The following MBD5 variants were observed in gnomAD, a reference collection of about 807,000 sequenced individuals.
MBD5 encodes the protein methyl-CpG-binding domain protein 5.
A neutral mutation model predicts 117.3 loss-of-function variants in MBD5; 13 were observed. The ratio of observed to expected loss-of-function variants is 0.11; its 90% confidence interval spans 0.07 to 0.18. MBD5 has a LOEUF of 0.18. MBD5 is among the 10% of genes least tolerant of loss of function. The pLI is 1.00. For missense variants in MBD5, 1,879 were observed against 2,093.8 expected (o/e 0.90, Z 2.00); for synonymous variants, 727 against 766.4 (o/e 0.95, Z 0.85).
intron 8 of MBD5, among the ~76,000 whole-genome samples, chr2:148,476,017 T>C (rs1029342983): frequency 1.3e-5 from 2 of 152,146 alleles, no homozygotes; most frequent in African/African-American, 4.8e-5. Context: ...AGATTAAAAG[T>C]GGAGCTAGAC....
intron 1 of MBD5, among the ~76,000 whole-genome samples, chr2:148,141,782 AC>A (rs1195396592): frequency 8.6e-6 from 1 of 115,660 alleles, no homozygotes; most frequent in East Asian, 2.6e-4. Context: ...ACAGAGCAAG[AC>A]CCCGTCTCAA....
chr2:148,459,520 A>C (rs1442377312), intron 5 of MBD5, among the ~76,000 whole-genome samples: 1 of 152,190 alleles, frequency 6.6e-6, no homozygotes, highest in Non-Finnish European at 1.5e-5. Flanking sequence ...TACTCATTAA[A>C]TAGTTGACAT....
intron 2 of MBD5, among the ~76,000 whole-genome samples, chr2:148,204,226 A>G (rs1699218207): frequency 6.6e-6 from 1 of 152,188 alleles, no homozygotes. Flanking sequence ...ATTTATTTCA[A>G]ATATGAAATT....
At chr2:148,345,344 T>TACATATACACATATACACATAC (rs1703066775) in intron 4 of MBD5, among the ~76,000 whole-genome samples, 1 of 149,364 alleles carries the variant, frequency 6.7e-6, no homozygotes, top group African/African-American at 2.4e-5. Context: ...TATACACATA[T>TACATATACACATATACACATAC]ACATATACAC....
rs368396975 is a variant in MBD5 at position 148,254,277 on chromosome 2, C to T, written c.-680+20882C>T. Among the ~76,000 whole-genome samples the T allele has an allele frequency of 1.4e-4, 22 of 152,268 alleles. No individual in the cohort carries two copies. The East Asian group carries it at 4.3e-3, about 29-fold the overall frequency. On this transcript the variant is annotated intron_variant, in intron 3 of 13. Transcript: ENST00000642680. ...GGGATAAAGGTAAAACATTGTGTTC[C>T]TAAAAGGGCACAGGTGCCTCCTTAG... is the stretch of plus-strand genomic sequence containing the variant.
chr2:148,337,905 A>G (rs1702839939), intron 3 of MBD5, among the ~76,000 whole-genome samples: 1 of 152,152 alleles, frequency 6.6e-6, no homozygotes, highest in Admixed American at 6.5e-5. Flanking sequence ...TTTCCCTTCA[A>G]TTAGAAGGGA....
At chr2:148,199,253 A>G (rs1699073887) in intron 2 of MBD5, among the ~76,000 whole-genome samples, 1 of 152,172 alleles carries the variant, frequency 6.6e-6, no homozygotes, top group Non-Finnish European at 1.5e-5. Flanking sequence ...ACCTAAAGTC[A>G]GCTGATTGTA....
At chr2:148,277,154 A>G (rs1175699766) in intron 3 of MBD5, among the ~76,000 whole-genome samples, 1 of 152,176 alleles carries the variant, frequency 6.6e-6, no homozygotes, top group Admixed American at 6.5e-5. Context: ...AATAATAATT[A>G]TTAAGGTAAG....
At chr2:148,403,008 A>G (rs1176011440) in intron 4 of MBD5, among the ~76,000 whole-genome samples, 1 of 151,738 alleles carries the variant, frequency 6.6e-6, no homozygotes, top group Non-Finnish European at 1.5e-5. Context: ...CTTCAAGTTC[A>G]CTAATCTTTT....
intron 3 of MBD5, among the ~76,000 whole-genome samples, chr2:148,316,663 T>G (rs1479627504): frequency 6.6e-6 from 1 of 152,198 alleles, no homozygotes; most frequent in African/African-American, 2.4e-5. Context: ...ACTTGGTTCA[T>G]AGTTGATATC....
chr2:148,427,257 A>G (rs1705826580), intron 4 of MBD5, among the ~76,000 whole-genome samples: 1 of 152,304 alleles, frequency 6.6e-6, no homozygotes, highest in Middle Eastern at 3.4e-3. Flanking sequence ...TTCCTCAGGG[A>G]TCTAGAACTA....
At chr2:148,447,162 A>G (rs1706565942) in intron 4 of MBD5, among the ~76,000 whole-genome samples, 1 of 138,976 alleles carries the variant, frequency 7.2e-6, no homozygotes, top group Non-Finnish European at 1.5e-5. Context: ...AAGGAAAGAA[A>G]GGAAGAAAGG....
intron 1 of MBD5, among the ~76,000 whole-genome samples, chr2:148,032,182 GA>G (rs1694056357): frequency 6.6e-6 from 1 of 152,030 alleles, no homozygotes; most frequent in Non-Finnish European, 1.5e-5. Flanking sequence ...GTCTTTCTTT[GA>G]CAAACATGTG....
chr2:148,092,062 C>T (rs528355595), intron 1 of MBD5, among the ~76,000 whole-genome samples: 8 of 152,166 alleles, frequency 5.3e-5, no homozygotes, highest in Non-Finnish European at 1.2e-4. Flanking sequence ...GAAAAATGCT[C>T]AGCATCACTT....
chr2:148,348,384 G>A (rs2105211913), intron 4 of MBD5, among the ~76,000 whole-genome samples: 2 of 152,090 alleles, frequency 1.3e-5, no homozygotes, highest in East Asian at 3.9e-4. Flanking sequence ...GACTTTGGCT[G>A]ATCCTCCTAT....
At chr2:148,024,507 A>C (rs1032545917) in intron 1 of MBD5, among the ~76,000 whole-genome samples, 1 of 152,310 alleles carries the variant, frequency 6.6e-6, no homozygotes, top group African/African-American at 2.4e-5. Context: ...AGTAGTTCCT[A>C]CTGGTAGCTT....
In MBD5 at chr2:148,468,359, C is replaced by A. The variant is rs1680657881; in HGVS notation, c.416C>A (p.Pro139His). 2 of 1,613,468 alleles carry A rather than the reference C, an allele frequency of 1.2e-6. No individual in the cohort carries two copies. The highest frequency in any genetic ancestry group is 1.7e-6 in the Non-Finnish European group (2 of 1,179,678). The change falls in exon 8 of 14, where the codon CCT (proline) becomes CAT (histidine). Residue 139 changes from proline (P) to histidine (H), a missense_variant. Physicochemically the swap from Pro to His is moderately conservative, Grantham distance 77. Coordinates refer to ENST00000642680, the MANE Select transcript of MBD5 (RefSeq NM_001378120.1). ...ACATCAGATGCAACTCCAGTAGTAC[C>A]TTCTCGGGCAGCAACTCCAAGATCA... ...GGGTNATPVV[P>H]SRAATPRSVR...
chr2:148,032,281 G>T (rs1052021741), intron 1 of MBD5, among the ~76,000 whole-genome samples: 12 of 152,086 alleles, frequency 7.9e-5, no homozygotes, highest in Non-Finnish European at 1.5e-5. Flanking sequence ...GATAGAAAAG[G>T]ATATTAATGA....
intron 4 of MBD5, among the ~76,000 whole-genome samples, chr2:148,367,229 A>G (rs1045598628): frequency 1.3e-5 from 2 of 152,136 alleles, no homozygotes; most frequent in Admixed American, 1.3e-4. Context: ...CAATGGGGAA[A>G]GATTCCCTAT....
Sources: allele counts gnomAD v4.1 joint callset (sites outside exome capture counted in the v4.1 genomes callset), GRCh38; gene constraint gnomAD v4.1.1; transcripts MANE v1.5; gene names NCBI Gene and HGNC (gene_info 2026-07-23, HGNC 2026-07-21).